POLQ: variants seen among roughly 807,000 people sequenced by gnomAD.
POLQ encodes epididymis secretory sperm binding protein.
Under a neutral mutation model 259.2 loss-of-function variants are expected in POLQ, and 233 were observed. The observed-to-expected ratio is 0.90, with a 90% CI of 0.81 to 1.00. POLQ has a LOEUF of 1.00. Among genes scored for constraint, POLQ ranks in the 50% least tolerant of loss-of-function variants. POLQ has a pLI of 0.00. For missense variants in POLQ, 2,871 were observed against 3,051.6 expected, an observed-to-expected ratio of 0.94 and a Z score of 1.39; for synonymous variants, 1,025 against 1,048.8, an observed-to-expected ratio of 0.98 and a Z score of 0.44.
At chr3:121,492,375 A>G (rs1309911084) in intron 15 of POLQ, among the ~76,000 whole-genome samples, 1 of 152,216 alleles carries the variant, frequency 6.6e-6, no homozygotes, top group Non-Finnish European at 1.5e-5. Flanking sequence ...TTATATACTG[A>G]GTCTAGCCCA....
In POLQ at chr3:121,487,331, G is replaced by A; in HGVS notation, c.5600C>T (p.Thr1867Ile). Residue 1867 changes from threonine to isoleucine, a missense_variant, in exon 16 of 30, where the codon ACT becomes ATT. Around this residue, in one of 3 missense-constraint regions of POLQ, gnomAD observed 2,080 missense variants for 2,126.0 expected, o/e 0.98. Transcript: ENST00000264233. ...CTTAAACCTACTGCCAATAGTAGCA[G>A]TTTTAGAAGATGTCAAACTTCTAAT... ...EKIRSLTSSK[T>I]ATIGSRFKQA... The A allele has an allele frequency of 1.2e-6, 2 of 1,607,244 alleles. No individual in the cohort carries two copies. The highest frequency in any genetic ancestry group is 1.7e-6 in the Non-Finnish European group (2 of 1,177,256).
At position 121,510,032 on chromosome 3, in the gene POLQ, C is replaced by T. The variant is rs1394303226; in HGVS notation, c.1816+7G>A. ...TGAGTAAATTGCAACTGAGAAGTCA[C>T]ACTTACCTTCTGTTCCATCACTGGC... is the stretch of plus-strand genomic sequence containing the variant. On this transcript the variant is annotated splice_region_variant and intron_variant, in intron 11 of 29. Transcript: ENST00000264233. The T allele has an allele frequency of 1.9e-6, 3 of 1,604,960 alleles. No individual in the cohort carries two copies. Among genetic ancestry groups the T allele is most frequent in the Non-Finnish European group, 2.6e-6 (3 of 1,171,750 alleles).
intron 20 of POLQ, among the ~76,000 whole-genome samples, 184 bp downstream of exon 20, chr3:121,476,356 T>A (rs1576410243): frequency 6.6e-6 from 1 of 152,062 alleles, no homozygotes; most frequent in East Asian, 1.9e-4. Flanking sequence ...ATTTGTAAAT[T>A]AAATACAGAT....
intron 5 of POLQ, among the ~76,000 whole-genome samples, chr3:121,534,932 A>G (rs1331539945): frequency 6.6e-6 from 1 of 152,228 alleles, no homozygotes; most frequent in Non-Finnish European, 1.5e-5. Context: ...ATCCATTAAA[A>G]TATGTTAAGA....
intron 22 of POLQ, among the ~76,000 whole-genome samples, chr3:121,469,595 A>G (rs532340595): frequency 1.4e-4 from 22 of 152,356 alleles, no homozygotes; most frequent in African/African-American, 5.3e-4. Flanking sequence ...CAAAGCTAAC[A>G]AACAGCAGAG....
At chr3:121,521,873 C>T (rs1469403034) in intron 8 of POLQ, 130 bp downstream of exon 8, 2 of 651,326 alleles carry the variant, frequency 3.1e-6, no homozygotes, top group Admixed American at 3.8e-5. Flanking sequence ...GCCCAGCCCA[C>T]ACAATTTCTT....
At chr3:121,513,174 C>G (rs1021317328) in intron 9 of POLQ, among the ~76,000 whole-genome samples, 1 of 151,592 alleles carries the variant, frequency 6.6e-6, no homozygotes, top group Non-Finnish European at 1.5e-5. Flanking sequence ...CCTTACCACC[C>G]GAGGCAAAGA....
chr3:121,513,024 A>C (rs771488964), intron 9 of POLQ, among the ~76,000 whole-genome samples: 1 of 152,262 alleles, frequency 6.6e-6, no homozygotes, highest in Non-Finnish European at 1.5e-5. Flanking sequence ...CTATTATTGC[A>C]ACAATTATGA....
chr3:121,497,378 T>C (rs1349474274), intron 13 of POLQ, among the ~76,000 whole-genome samples: 3 of 152,230 alleles, frequency 2.0e-5, no homozygotes, highest in Non-Finnish European at 2.9e-5. Flanking sequence ...ATAAAATTTA[T>C]ACTTAACCAT....
chr3:121,469,780 A>G (rs1005847945), intron 22 of POLQ, among the ~76,000 whole-genome samples: 1 of 152,234 alleles, frequency 6.6e-6, no homozygotes, highest in Non-Finnish European at 1.5e-5. Context: ...GATATGAAGT[A>G]TATTCATGAA....
At chr3:121,494,783 TACA>T (rs2048102017) in intron 14 of POLQ, 8 of 1,495,892 alleles carry the variant, frequency 5.3e-6, no homozygotes, top group South Asian at 1.1e-5. Context: ...CAGGACCAAT[TACA>T]ACGACAGATA....
At position 121,497,076 on chromosome 3, in the gene POLQ, T is replaced by C. The variant is rs919256007; in HGVS notation, c.2154-144A>G. On this transcript the variant is annotated intron_variant, in intron 13 of 29. Transcript: ENST00000264233. ...GTGAGATTCTTAATAGAAAATAGGA[T>C]TACTGGACAAAGGCTGAGATCAATG... is the stretch of plus-strand genomic sequence containing the variant. The C allele has an allele frequency of 9.4e-6, 8 of 851,356 alleles. 1 individual carries two copies. The highest frequency in any genetic ancestry group is 9.4e-5 in the Admixed American group (3 of 32,012). The allele number at this position is 851,356 out of a possible 1,614,324, so 52.7% of individuals were successfully genotyped here.
chr3:121,473,410 G>A lies in POLQ; in HGVS notation c.6483C>T (p.Thr2161=). ...TGCGTCCATTGTCAATCCCTCTTCT[G>A]GTAGAACCCAGAGTTTTCTTGCTGC... The part of the protein sequence containing the change: ...NQGSKKTLGS[T]RRGIDNGRKL... Residue 2161 remains threonine (T), a synonymous_variant, in exon 21 of 30, where the codon ACC becomes ACT. Coordinates refer to ENST00000264233, the MANE Select transcript of POLQ (RefSeq NM_199420.4). The A allele has an allele frequency of 6.2e-7, 1 of 1,613,914 alleles. No homozygotes were observed. Among genetic ancestry groups the A allele is most frequent in the Non-Finnish European group, 8.5e-7 (1 of 1,179,854 alleles).
chr3:121,435,191 T>A (rs892804983), intron 28 of POLQ, among the ~76,000 whole-genome samples: 2 of 152,098 alleles, frequency 1.3e-5, no homozygotes, highest in African/African-American at 4.8e-5. Context: ...GCTGTCATGG[T>A]TTGACAATCT....
At chr3:121,447,440 G>A (rs917529249) in intron 26 of POLQ, among the ~76,000 whole-genome samples, 6 of 151,994 alleles carry the variant, frequency 3.9e-5, no homozygotes, top group African/African-American at 1.4e-4. Flanking sequence ...TGGGATTACA[G>A]GTGTGACCCA....
At chr3:121,494,488 C>T (rs1004591477) in intron 14 of POLQ, 129 of 1,475,592 alleles carry the variant, frequency 8.7e-5, no homozygotes, top group Middle Eastern at 2.4e-4. Context: ...GCAGAGGGGA[C>T]GTCCCCACCA....
rs557466679 is a variant in POLQ, at chr3:121,488,096, T to C, written c.4835A>G (p.Asp1612Gly). ...TAATTTTGATTTTTCAGCCCTTTCA[T>C]CTTGATCTCCTCCATCTTGATCACC... ...HQGDQDGGDQDERAEKSKLTG... is the reference protein window; with the variant it reads ...HQGDQDGGDQGERAEKSKLTG... Residue 1612 changes from aspartate (D) to glycine (G), a missense_variant, in exon 16 of 30, where the codon GAT becomes GGT. Asp to Gly is a moderately conservative substitution (Grantham distance 94). Transcript: ENST00000264233. 6.2e-7 allele frequency: 1 copy of C among 1,613,968 alleles called. No homozygotes were observed. The highest frequency in any genetic ancestry group is 8.5e-7 in the Non-Finnish European group (1 of 1,179,914).
chr3:121,542,708 C>A (rs1206523741), intron 2 of POLQ, among the ~76,000 whole-genome samples: 2 of 152,136 alleles, frequency 1.3e-5, no homozygotes, highest in Non-Finnish European at 2.9e-5. Flanking sequence ...GTGAATCATG[C>A]CTGTAATCTC....
At chr3:121,447,327 T>C (rs563618303) in intron 26 of POLQ, among the ~76,000 whole-genome samples, 1 of 152,140 alleles carries the variant, frequency 6.6e-6, no homozygotes, top group South Asian at 2.1e-4. Flanking sequence ...CCTATCATCA[T>C]GCCCGGCTAA....
Sources: allele counts gnomAD v4.1 joint callset (sites outside exome capture counted in the v4.1 genomes callset), GRCh38; gene constraint gnomAD v4.1.1; regional missense constraint gnomAD v4.1.1; transcripts MANE v1.5; gene names NCBI Gene and HGNC (gene_info 2026-07-23, HGNC 2026-07-21).